The following MGAT5 variants were observed in gnomAD, a reference collection of about 807,000 sequenced individuals.
MGAT5 encodes alpha-1,6-mannosylglycoprotein 6-beta-N-acetylglucosaminyltransferase A.
In MGAT5, 30 loss-of-function variants were observed where a neutral mutation model predicts 94.3. That is an observed-to-expected ratio of 0.32 (90% CI 0.24 to 0.43). MGAT5 has a LOEUF of 0.43. Ranked by LOEUF, MGAT5 falls within the 20% of genes least tolerant of loss-of-function variation. The pLI is 1.00. For missense variants in MGAT5, 691 were observed against 905.5 expected, an observed-to-expected ratio of 0.76 and a Z score of 3.04; for synonymous variants, 310 against 322.9, an observed-to-expected ratio of 0.96 and a Z score of 0.43.
At chr2:134,160,307 G>C (rs1050725216) in intron 1 of MGAT5, among the ~76,000 whole-genome samples, 1 of 152,170 alleles carries the variant, frequency 6.6e-6, no homozygotes, top group Non-Finnish European at 1.5e-5. Context: ...CCGAGCAGCC[G>C]GGACTACAGG....
chr2:134,144,796 G>A (rs1286805442), intron 1 of MGAT5, among the ~76,000 whole-genome samples: 2 of 152,170 alleles, frequency 1.3e-5, no homozygotes, highest in Non-Finnish European at 2.9e-5. Flanking sequence ...ATTTTGGAAG[G>A]TACTGGCTTG....
chr2:134,168,936 A>G (rs573211798), intron 1 of MGAT5, among the ~76,000 whole-genome samples: 5 of 151,960 alleles, frequency 3.3e-5, no homozygotes, highest in African/African-American at 1.2e-4. Flanking sequence ...GAAGGGATCA[A>G]CCTGACAGGT....
intron 1 of MGAT5, among the ~76,000 whole-genome samples, chr2:134,176,572 T>TAAAAAAAAAAAAAAA (rs66689362): frequency 2.4e-5 from 2 of 83,316 alleles, no homozygotes; most frequent in African/African-American, 1.1e-4. Flanking sequence ...GACTCTGTCT[T>TAAAAAAAAAAAAAAA]AAAAAAAAAA....
chr2:134,319,948 C>G (rs1482218136), intron 4 of MGAT5: 1 of 228,548 alleles, frequency 4.4e-6, no homozygotes, highest in East Asian at 1.3e-4. Context: ...GACATCACAT[C>G]TGTACTCTTG....
At chr2:134,232,074 C>CT (rs1681397772) in intron 1 of MGAT5, among the ~76,000 whole-genome samples, 1 of 123,636 alleles carries the variant, frequency 8.1e-6, no homozygotes, top group African/African-American at 3.0e-5. Context: ...GCCTAGTGGT[C>CT]ATTCTATACT....
At chr2:134,321,587 C>G (rs1053914837) in intron 4 of MGAT5, among the ~76,000 whole-genome samples, 5 of 152,210 alleles carry the variant, frequency 3.3e-5, no homozygotes, top group Non-Finnish European at 7.3e-5. Flanking sequence ...TCACATATCA[C>G]TTGCTATCTG....
rs77920423 is a variant in MGAT5 at position 134,229,981 on chromosome 2, A to G, written c.-142-24281A>G. On this transcript the variant is annotated intron_variant, in intron 1 of 16. Transcript: ENST00000409645. The stretch of plus-strand genomic sequence containing the variant: ...CAAAACCACAATGAAATAGCACTTT[A>G]CATCTGTTAGGATGGCTGTCATCAA... Among the ~76,000 whole-genome samples the G allele has an allele frequency of 4.6e-3, 706 of 152,346 alleles. 19 individuals carry two copies. The East Asian group carries it at 0.1, about 22-fold the overall frequency.
intron 10 of MGAT5, among the ~76,000 whole-genome samples, chr2:134,376,864 T>C (rs1681210327): frequency 6.6e-6 from 1 of 152,194 alleles, no homozygotes; most frequent in Non-Finnish European, 1.5e-5. Context: ...AGGGTAGGTC[T>C]TCCTACCAGC....
chr2:134,332,631 T>C (rs2105961373), intron 4 of MGAT5, among the ~76,000 whole-genome samples: 1 of 152,072 alleles, frequency 6.6e-6, no homozygotes, highest in South Asian at 2.1e-4. Context: ...CAAAAGAAAC[T>C]ACCATCAGAG....
intron 1 of MGAT5, among the ~76,000 whole-genome samples, chr2:134,193,657 C>G (rs934279443): frequency 6.6e-6 from 1 of 150,754 alleles, no homozygotes; most frequent in Non-Finnish European, 1.5e-5. Context: ...TCTCCCCTCT[C>G]TTACATACCC....
intron 4 of MGAT5, among the ~76,000 whole-genome samples, chr2:134,324,466 G>A (rs931327117): frequency 6.6e-6 from 1 of 152,120 alleles, no homozygotes; most frequent in African/African-American, 2.4e-5. Context: ...TATTGGCTGA[G>A]CATGTAATTA....
At chr2:134,422,153 T>C (rs540380579) in intron 12 of MGAT5, among the ~76,000 whole-genome samples, 2 of 133,100 alleles carry the variant, frequency 1.5e-5, no homozygotes, top group African/African-American at 3.4e-5. Context: ...GCAAGACCCT[T>C]TGGGGAAAAA....
At chr2:134,380,480 C>T (rs540520976) in intron 10 of MGAT5, among the ~76,000 whole-genome samples, 1 of 152,228 alleles carries the variant, frequency 6.6e-6, no homozygotes, top group South Asian at 2.1e-4. Flanking sequence ...GAAAAAGGGA[C>T]ATGGATTATA....
intron 1 of MGAT5, among the ~76,000 whole-genome samples, chr2:134,209,189 AATTATTATT>A (rs1173570617): frequency 1.9e-4 from 2 of 10,784 alleles, no homozygotes; most frequent in Non-Finnish European, 2.5e-4. Flanking sequence ...TTTATTTTTT[AATTATTATT>A]ATTATTATAC....
intron 1 of MGAT5, among the ~76,000 whole-genome samples, chr2:134,201,530 G>A (rs767254540): frequency 2.6e-5 from 4 of 152,192 alleles, no homozygotes; most frequent in Non-Finnish European, 5.9e-5. Context: ...TCTCAGAAAA[G>A]AAGTCAGCAT....
chr2:134,159,244 T>C lies in MGAT5; in HGVS notation c.-143+38953T>C, dbSNP rs114845596. Among the ~76,000 whole-genome samples the C allele has an allele frequency of 5.4e-3, 798 of 149,008 alleles. 3 individuals carry two copies. The highest frequency in any genetic ancestry group is 0.018 in the African/African-American group (718 of 40,718). ...GTGTGTGGTCCCTGTATTCCCAACA[T>C]AGTGTCCTGTAAAAGGCCCCAGGAT... On this transcript the variant is annotated intron_variant, in intron 1 of 16. Transcript: ENST00000409645.
chr2:134,386,035 A>T (rs1009831329), intron 10 of MGAT5, among the ~76,000 whole-genome samples: 1 of 152,224 alleles, frequency 6.6e-6, no homozygotes, highest in Non-Finnish European at 1.5e-5. Flanking sequence ...CGGAACCACA[A>T]CACAGTAAGC....
chr2:134,142,020 C>T (rs546279082), intron 1 of MGAT5, among the ~76,000 whole-genome samples: 1 of 152,212 alleles, frequency 6.6e-6, no homozygotes, highest in African/African-American at 2.4e-5. Flanking sequence ...GGGCAGGGTA[C>T]CTCAGTGGTC....
At chr2:134,388,205 G>T (rs1005061433) in intron 10 of MGAT5, among the ~76,000 whole-genome samples, 6 of 152,208 alleles carry the variant, frequency 3.9e-5, no homozygotes, top group African/African-American at 1.4e-4. Context: ...AATAAACTGT[G>T]ATGACTCTTT....
Sources: allele counts gnomAD v4.1 joint callset (sites outside exome capture counted in the v4.1 genomes callset), GRCh38; gene constraint gnomAD v4.1.1; transcripts MANE v1.5; gene names NCBI Gene and HGNC (gene_info 2026-07-23, HGNC 2026-07-21).